PPARG: variants seen among roughly 807,000 people sequenced by gnomAD.
PPARG encodes peroxisome proliferator activated receptor gamma, also known as peroxisome proliferator-activated receptor gamma.
A neutral mutation model predicts 39.2 loss-of-function variants in PPARG; 17 were observed. That is an observed-to-expected ratio of 0.43 (90% CI 0.30 to 0.65). The LOEUF (loss-of-function observed/expected upper bound fraction) is 0.65, where lower values mean the gene tolerates loss of function less well. Among genes scored for constraint, PPARG ranks in the 30% least tolerant of loss-of-function variants. PPARG has a pLI of 0.13. For missense variants in PPARG, 406 were observed against 585.9 expected, an observed-to-expected ratio of 0.69 and a Z score of 3.17; for synonymous variants, 223 against 215.7, an observed-to-expected ratio of 1.03 and a Z score of -0.30.
chr3:12,379,561 G>T (rs548534445), intron 2 of PPARG, 143 bp from the exon 3 acceptor site: 26 of 727,074 alleles, frequency 3.6e-5, no homozygotes, highest in Admixed American at 3.5e-4. Flanking sequence ...CACTAAGAAG[G>T]TGGTTATGTT....
intron 6 of PPARG, among the ~76,000 whole-genome samples, chr3:12,411,260 C>T (rs2050870475): frequency 6.6e-6 from 1 of 151,964 alleles, no homozygotes; most frequent in South Asian, 2.1e-4. Flanking sequence ...TGCTGAGTAA[C>T]TCTTTGGCTG....
chr3:12,408,736 A>G (rs68067108), intron 6 of PPARG, among the ~76,000 whole-genome samples: 21,222 of 151,668 alleles, frequency 0.14, 1,672 homozygotes, highest in Admixed American at 0.23. Context: ...GTTAGTTTTC[A>G]TCAACTGCTT....
chr3:12,380,872 C>G (rs1331752605), intron 3 of PPARG, among the ~76,000 whole-genome samples: 1 of 152,156 alleles, frequency 6.6e-6, no homozygotes, highest in Non-Finnish European at 1.5e-5. Context: ...ATACCATGAC[C>G]TTTTCACAGT....
At position 12,417,870 on chromosome 3, in the gene PPARG, CTTTTTTCTTTT is replaced by C. The variant is rs1338958378; in HGVS notation, c.1180+734_1180+744del. Among the ~76,000 whole-genome samples the C allele has an allele frequency of 5.6e-4, 46 of 82,794 alleles. 1 individual carries two copies. The highest frequency in any genetic ancestry group is 2.4e-3 in the African/African-American group (42 of 17,714). 54.3% of individuals were successfully genotyped at this position (82,794 alleles called of 152,430 possible). ...AAGCCAGATTTTCTTCTGAGTGTGA[CTTTTTTCTTTT>C]TTTTTTCTTTTTTTTTTTTCCTTTT... On this transcript the variant is annotated intron_variant, in intron 7 of 7. Coordinates refer to ENST00000651735, the MANE Select transcript of PPARG (RefSeq NM_138711.6).
chr3:12,319,432 G>A lies in PPARG; in HGVS notation c.-9+6979G>A, dbSNP rs572406542. The stretch of plus-strand genomic sequence containing the variant: ...TATTGAACTTCTTCCAGATAGCGTC[G>A]TAAAATTGAAGTACTTTTATATACA... On this transcript the variant is annotated intron_variant, in intron 2 of 7. Coordinates refer to ENST00000651735, the MANE Select transcript of PPARG (RefSeq NM_138711.6). Among the ~76,000 whole-genome samples, 253 of 152,160 alleles carry A rather than the reference G, an allele frequency of 1.7e-3. 2 individuals carry two copies. The highest frequency in any genetic ancestry group is 5.7e-3 in the African/African-American group (237 of 41,508).
chr3:12,356,895 T>G (rs1412323953), intron 2 of PPARG, among the ~76,000 whole-genome samples: 1 of 152,160 alleles, frequency 6.6e-6, no homozygotes, highest in Non-Finnish European at 1.5e-5. Flanking sequence ...TCTTCCATCT[T>G]TTCAAATCGT....
intron 1 of PPARG, among the ~76,000 whole-genome samples, chr3:12,300,308 G>T (rs932093826): frequency 2.6e-5 from 4 of 152,142 alleles, no homozygotes; most frequent in Admixed American, 1.3e-4. Flanking sequence ...GCAGTATCTG[G>T]CACTGGGCAC....
intron 2 of PPARG, among the ~76,000 whole-genome samples, chr3:12,352,859 T>G (rs1225592114): frequency 6.6e-6 from 1 of 152,250 alleles, no homozygotes; most frequent in Non-Finnish European, 1.5e-5. Flanking sequence ...TTCCATAAAT[T>G]GTTGTTATTC....
rs576064226 is a variant in PPARG, at chr3:12,367,884, T to G, written c.-8-11820T>G. Among the ~76,000 whole-genome samples, 122 of 151,402 alleles carry G rather than the reference T, an allele frequency of 8.1e-4. 1 individual carries two copies. Among genetic ancestry groups the G allele is most frequent in the African/African-American group, 2.9e-3 (119 of 41,418 alleles). ...AGTGAGACCCTGCCTCAAAAAATAA[T>G]AGTAAAATTAAATAAAATATAATAA... is the stretch of plus-strand genomic sequence containing the variant. On this transcript the variant is annotated intron_variant, in intron 2 of 7. Transcript: ENST00000651735.
chr3:12,356,978 G>A (rs997528758), intron 2 of PPARG, among the ~76,000 whole-genome samples: 1 of 152,036 alleles, frequency 6.6e-6, no homozygotes, highest in African/African-American at 2.4e-5. Flanking sequence ...GCTGTTCATT[G>A]CTCCCTCTCT....
chr3:12,359,297 G>A (rs186231098), intron 2 of PPARG, among the ~76,000 whole-genome samples: 17 of 152,210 alleles, frequency 1.1e-4, no homozygotes, highest in Admixed American at 9.2e-4. Context: ...AAAGAAAAAT[G>A]CCAAAGAAAA....
At chr3:12,323,443 G>C (rs80093602) in intron 2 of PPARG, among the ~76,000 whole-genome samples, 2 of 151,202 alleles carry the variant, frequency 1.3e-5, no homozygotes, top group African/African-American at 2.5e-5. Context: ...TTTGGAGAGA[G>C]TGCCATGCCA....
chr3:12,359,790 T>G (rs1389313770), intron 2 of PPARG, among the ~76,000 whole-genome samples: 2 of 150,214 alleles, frequency 1.3e-5, no homozygotes, highest in East Asian at 4.0e-4. Context: ...TCCTCCTGCC[T>G]CAGCCTCCCG....
intron 2 of PPARG, among the ~76,000 whole-genome samples, chr3:12,375,320 G>C (rs1037439126): frequency 2.6e-5 from 4 of 152,138 alleles, no homozygotes; most frequent in African/African-American, 9.7e-5. Context: ...GAAATTGTAT[G>C]TTAAAAATGA....
chr3:12,355,416 G>A (rs549253132), intron 2 of PPARG, among the ~76,000 whole-genome samples: 15 of 152,300 alleles, frequency 9.8e-5, no homozygotes, highest in African/African-American at 1.4e-4. Context: ...GATTACAGGC[G>A]TGAGCCATCG....
Position 12,361,361 on chromosome 3 carries a change from A to G in PPARG, c.-8-18343A>G, listed in dbSNP as rs181876155. 8.1e-4 allele frequency among the ~76,000 whole-genome samples: 123 copies of G among 152,340 alleles called. 1 individual carries two copies. The highest frequency in any genetic ancestry group is 2.9e-3 in the African/African-American group (120 of 41,598). On this transcript the variant is annotated intron_variant, in intron 2 of 7. Coordinates refer to ENST00000651735, the MANE Select transcript of PPARG (RefSeq NM_138711.6). ...TAATAAACAGATATTTCTAATCAAT[A>G]TAGTCTGATATACTAGATTTTTCTT...
intron 7 of PPARG, among the ~76,000 whole-genome samples, chr3:12,432,384 C>A (rs2051691225): frequency 6.6e-6 from 1 of 151,858 alleles, no homozygotes; most frequent in African/African-American, 2.4e-5. Context: ...AACCATAACT[C>A]TTCAGATATC....
upstream of PPARG, chr3:12,287,442 T>C (rs1305177924): frequency 6.6e-6 from 1 of 152,174 alleles, no homozygotes; most frequent in Non-Finnish European, 1.5e-5. Flanking sequence ...ACCCGAAATA[T>C]GCTTTAATTA....
At chr3:12,397,903 C>T (rs1236547941) in intron 5 of PPARG, among the ~76,000 whole-genome samples, 1 of 152,094 alleles carries the variant, frequency 6.6e-6, no homozygotes, top group African/African-American at 2.4e-5. Context: ...CACCCCTGCC[C>T]ACTTTCCACT....
Sources: gnomAD v4.1 joint callset for allele counts (sites outside exome capture counted in the v4.1 genomes callset) on GRCh38, gnomAD v4.1.1 for gene constraint, MANE v1.5 for transcripts, NCBI Gene and HGNC (gene_info 2026-07-23, HGNC 2026-07-21) for gene names.